The following ANKRD55 variants were observed in gnomAD, a reference collection of about 807,000 sequenced individuals.
ANKRD55 encodes ankyrin repeat domain 55.
Under a neutral mutation model 60.6 loss-of-function variants are expected in ANKRD55, and 41 were observed. The observed-to-expected ratio is 0.68, with a 90% CI of 0.53 to 0.88. ANKRD55 has a LOEUF of 0.88. ANKRD55 is among the 40% of genes least tolerant of loss of function. The pLI is 0.00. For synonymous variants in ANKRD55, 264 were observed against 290.3 expected (o/e 0.91, Z 0.92); for missense variants, 732 against 767.6 (o/e 0.95, Z 0.55).
At chr5:56,184,991 C>T (rs1422385331) in intron 2 of ANKRD55, among the ~76,000 whole-genome samples, 2 of 151,560 alleles carry the variant, frequency 1.3e-5, no homozygotes, top group African/African-American at 2.4e-5. Flanking sequence ...GAGGCCGAGG[C>T]GGGCGGATCA....
chr5:56,118,861 T>A (rs1756956444), intron 8 of ANKRD55, among the ~76,000 whole-genome samples: 1 of 151,988 alleles, frequency 6.6e-6, no homozygotes, highest in African/African-American at 2.4e-5. Context: ...TGAAGATGGC[T>A]AAAATAAGAA....
chr5:56,209,360 C>G (rs563258794), intron 2 of ANKRD55, among the ~76,000 whole-genome samples: 1 of 152,142 alleles, frequency 6.6e-6, no homozygotes, highest in South Asian at 2.1e-4. Context: ...CTCAGCATTA[C>G]TAATATAATT....
At position 56,147,714 on chromosome 5, in the gene ANKRD55, C is replaced by T. The variant is rs531808367; in HGVS notation, c.484-3785G>A. On this transcript the variant is annotated intron_variant, in intron 6 of 11. Coordinates refer to ENST00000341048, the MANE Select transcript of ANKRD55 (RefSeq NM_024669.3). ...AGTCAAGTAAAGGGAAATTTCCTGCCGCTTTTTTTTCTTTTTCTTTTTTTC... is the reference window on the plus strand; with the variant it reads ...AGTCAAGTAAAGGGAAATTTCCTGCTGCTTTTTTTTCTTTTTCTTTTTTTC... 2.7e-3 allele frequency among the ~76,000 whole-genome samples: 418 copies of T among 152,084 alleles called. 3 individuals are homozygous for T. Among genetic ancestry groups the T allele is most frequent in the Non-Finnish European group, 3.7e-3 (251 of 68,004 alleles).
chr5:56,166,103 T>TTTCTTTCTTTCTTTCTTTCTTTCTTTC (rs1758450772), intron 5 of ANKRD55, among the ~76,000 whole-genome samples: 9 of 50,810 alleles, frequency 1.8e-4, no homozygotes, highest in African/African-American at 5.3e-4. Flanking sequence ...TCTTTCTTTC[T>TTTCTTTCTTTCTTTCTTTCTTTCTTTC]TTCTTTCTTT....
intron 2 of ANKRD55, among the ~76,000 whole-genome samples, chr5:56,219,074 A>G (rs1759895991): frequency 6.6e-6 from 1 of 152,020 alleles, no homozygotes; most frequent in African/African-American, 2.4e-5. Context: ...GGAGTTCGAG[A>G]CCAGCCTGGC....
At chr5:56,215,212 C>A (rs566345282) in intron 2 of ANKRD55, among the ~76,000 whole-genome samples, 1 of 152,286 alleles carries the variant, frequency 6.6e-6, no homozygotes, top group Admixed American at 6.5e-5. Context: ...TAAATAACAA[C>A]CCATCTTCAG....
At chr5:56,126,007 G>A (rs1418991843) in intron 8 of ANKRD55, among the ~76,000 whole-genome samples, 6 of 152,110 alleles carry the variant, frequency 3.9e-5, no homozygotes, top group Admixed American at 2.6e-4. Flanking sequence ...GGTGGCAGGA[G>A]CCTGTAGTTC....
intron 10 of ANKRD55, among the ~76,000 whole-genome samples, chr5:56,109,027 C>A (rs1014182800): frequency 1.4e-5 from 2 of 142,350 alleles, no homozygotes; most frequent in East Asian, 2.0e-4. Flanking sequence ...ACAAGTGAGA[C>A]TCTGTCTCAA....
intron 4 of ANKRD55, among the ~76,000 whole-genome samples, chr5:56,175,412 G>T (rs1758715943): frequency 6.6e-6 from 1 of 152,180 alleles, no homozygotes; most frequent in African/African-American, 2.4e-5. Flanking sequence ...GAAAAAGGAT[G>T]ACCTCCATGT....
intron 6 of ANKRD55, among the ~76,000 whole-genome samples, chr5:56,155,953 A>C (rs1758184347): frequency 1.3e-5 from 2 of 152,078 alleles, no homozygotes; most frequent in East Asian, 3.8e-4. Flanking sequence ...ATACACATAT[A>C]TATCCCTATG....
chr5:56,136,755 T>TA (rs984785979), intron 7 of ANKRD55, among the ~76,000 whole-genome samples: 16 of 150,476 alleles, frequency 1.1e-4, no homozygotes, highest in Admixed American at 3.3e-4. Context: ...ACCTCATCTC[T>TA]AAAAAAAATA....
At chr5:56,192,502 G>A (rs1759123141) in intron 2 of ANKRD55, 1 of 262,788 alleles carries the variant, frequency 3.8e-6, no homozygotes, top group African/African-American at 2.3e-5. Flanking sequence ...CCCCCCAGGA[G>A]GGGCAAGAGG....
At chr5:56,141,931 T>G (rs1320282345) in intron 7 of ANKRD55, among the ~76,000 whole-genome samples, 2 of 152,204 alleles carry the variant, frequency 1.3e-5, no homozygotes, top group Non-Finnish European at 2.9e-5. Context: ...AAGCAAGTGT[T>G]GACTTGCCTT....
intron 4 of ANKRD55, among the ~76,000 whole-genome samples, chr5:56,175,836 T>C (rs1204868146): frequency 1.3e-5 from 2 of 152,112 alleles, no homozygotes; most frequent in South Asian, 4.1e-4. Flanking sequence ...AGGGAGATTG[T>C]TTTTAGAAGC....
intron 2 of ANKRD55, among the ~76,000 whole-genome samples, chr5:56,215,340 G>T (rs1759777764): frequency 6.6e-6 from 1 of 152,248 alleles, no homozygotes; most frequent in South Asian, 2.1e-4. Context: ...GGATGCTGGG[G>T]CCATTCTTTG....
At chr5:56,193,683 TGAA>T in intron 2 of ANKRD55, 1 of 220,646 alleles carries the variant, frequency 4.5e-6, no homozygotes, top group East Asian at 1.1e-4. Flanking sequence ...AGCATTGCCC[TGAA>T]GAAGGACTTC....
intron 2 of ANKRD55, 35 bp from the exon 3 acceptor site, chr5:56,183,669 G>A (rs1758903392): frequency 6.2e-7 from 1 of 1,606,972 alleles, no homozygotes; most frequent in Non-Finnish European, 8.5e-7. Context: ...GTTAGTGTGT[G>A]GAGCCAGTTC....
chr5:56,112,806 T>C (rs918639734), intron 9 of ANKRD55, among the ~76,000 whole-genome samples: 4 of 152,218 alleles, frequency 2.6e-5, no homozygotes, highest in African/African-American at 7.2e-5. Context: ...CTGAGTCAGA[T>C]TGCAACACTA....
chr5:56,142,287 T>A (rs1268002641), intron 7 of ANKRD55, among the ~76,000 whole-genome samples: 1 of 152,088 alleles, frequency 6.6e-6, no homozygotes, highest in African/African-American at 2.4e-5. Context: ...TGAGCTGAGA[T>A]CGCACCACTG....
Sources: allele counts gnomAD v4.1 joint callset (sites outside exome capture counted in the v4.1 genomes callset), GRCh38; gene constraint gnomAD v4.1.1; transcripts MANE v1.5; gene names NCBI Gene and HGNC (gene_info 2026-07-23, HGNC 2026-07-21).